Variants in IMMP2L observed in about 807,000 individuals in gnomAD.
The protein encoded by IMMP2L is inner mitochondrial membrane peptidase subunit 2.
Under a neutral mutation model 19.3 loss-of-function variants are expected in IMMP2L, and 18 were observed. That is an observed-to-expected ratio of 0.93 (90% CI 0.64 to 1.38). IMMP2L has a LOEUF of 1.38. Among genes scored for constraint, IMMP2L ranks in the 40% most tolerant of loss-of-function variants. The pLI is 0.00. For synonymous variants in IMMP2L, 76 were observed against 73.0 expected (o/e 1.04, Z -0.21); for missense variants, 233 against 218.2 (o/e 1.07, Z -0.43).
chr7:110,893,026 T>A (rs1466855617), intron 4 of IMMP2L, among the ~76,000 whole-genome samples: 1 of 152,098 alleles, frequency 6.6e-6, no homozygotes, highest in African/African-American at 2.4e-5. Context: ...TTCAATATAT[T>A]GTCGGTTCAA....
intron 3 of IMMP2L, among the ~76,000 whole-genome samples, chr7:111,305,550 C>G (rs1292852725): frequency 6.6e-6 from 1 of 151,896 alleles, no homozygotes; most frequent in East Asian, 1.9e-4. Context: ...TCTCAGCTCA[C>G]TGCAACCTCC....
chr7:111,323,695 T>C (rs1274969492), intron 3 of IMMP2L, among the ~76,000 whole-genome samples: 1 of 152,152 alleles, frequency 6.6e-6, no homozygotes, highest in Admixed American at 6.6e-5. Context: ...TCCACGCATA[T>C]GTTTATTGCG....
At chr7:111,308,122 C>T (rs1823082233) in intron 3 of IMMP2L, among the ~76,000 whole-genome samples, 1 of 151,870 alleles carries the variant, frequency 6.6e-6, no homozygotes, top group South Asian at 2.1e-4. Context: ...AGATTATTTG[C>T]TTCAATCAAC....
chr7:110,780,965 G>T (rs1038074517), intron 5 of IMMP2L, among the ~76,000 whole-genome samples: 1 of 151,836 alleles, frequency 6.6e-6, no homozygotes, highest in South Asian at 2.1e-4. Flanking sequence ...TTCATTAGGG[G>T]ACTAATTGAG....
At chr7:110,745,466 G>A (rs1161309640) in intron 5 of IMMP2L, among the ~76,000 whole-genome samples, 3 of 151,054 alleles carry the variant, frequency 2.0e-5, no homozygotes, top group African/African-American at 7.4e-5. Flanking sequence ...CACCAAGGTT[G>A]AAATGAAGGA....
intron 3 of IMMP2L, among the ~76,000 whole-genome samples, chr7:111,390,917 T>C (rs1432173666): frequency 2.6e-5 from 4 of 152,114 alleles, no homozygotes; most frequent in African/African-American, 9.7e-5. Flanking sequence ...ATTCTAATTA[T>C]AGGATAAATT....
intron 3 of IMMP2L, among the ~76,000 whole-genome samples, chr7:111,166,878 G>A (rs1021806511): frequency 6.6e-6 from 1 of 151,870 alleles, no homozygotes; most frequent in African/African-American, 2.4e-5. Flanking sequence ...AAAGATACCT[G>A]TCATTTGATT....
chr7:110,717,072 A>G (rs931640836), intron 5 of IMMP2L, among the ~76,000 whole-genome samples: 5 of 152,210 alleles, frequency 3.3e-5, no homozygotes, highest in African/African-American at 1.2e-4. Context: ...TACCTAGGAG[A>G]CAACTTGGAA....
Position 111,443,941 on chromosome 7 carries a change from T to C in IMMP2L, c.239+43297A>G, listed in dbSNP as rs1339446235. Reference sequence around the variant, plus strand: ...AAACTGAACTGTAAAGCATACAGTATGTGCATCTTCACAGGGTATATAATT... The same window carrying C: ...AAACTGAACTGTAAAGCATACAGTACGTGCATCTTCACAGGGTATATAATT... On this transcript the variant is annotated intron_variant, in intron 3 of 5. Transcript: ENST00000405709. Among the ~76,000 whole-genome samples, 4 of 152,146 alleles carry C rather than the reference T, an allele frequency of 2.6e-5. No homozygotes were observed. In the East Asian group the frequency reaches 7.7e-4, roughly 29 times the overall value.
At chr7:111,293,891 T>A (rs1017532791) in intron 3 of IMMP2L, among the ~76,000 whole-genome samples, 6 of 151,952 alleles carry the variant, frequency 3.9e-5, no homozygotes, top group Admixed American at 1.3e-4. Context: ...TAAATCAAGA[T>A]ATAGATTTCA....
At chr7:111,226,931 T>C (rs1813171741) in intron 3 of IMMP2L, among the ~76,000 whole-genome samples, 1 of 151,980 alleles carries the variant, frequency 6.6e-6, no homozygotes, top group African/African-American at 2.4e-5. Flanking sequence ...TTGTTCAAGA[T>C]AATAATCAGT....
chr7:111,505,366 A>G (rs1016109747), intron 2 of IMMP2L, among the ~76,000 whole-genome samples: 67 of 151,778 alleles, frequency 4.4e-4, no homozygotes, highest in African/African-American at 1.5e-3. Context: ...ACACTTTTAC[A>G]CTGTTGGTGG....
rs186219114 is a variant in IMMP2L at position 111,036,876 on chromosome 7, A to T, written c.240-73311T>A. ...CATTAAGATTATACATTTATTCATG[A>T]TATCATAAGAAATCACCATGTGGGT... On this transcript the variant is annotated intron_variant, in intron 3 of 5. Coordinates refer to ENST00000405709, the MANE Select transcript of IMMP2L (RefSeq NM_032549.4). Among the ~76,000 whole-genome samples the T allele has an allele frequency of 1.1e-4, 16 of 152,304 alleles. No homozygotes were observed. The East Asian group carries it at 3.1e-3, about 29-fold the overall frequency.
At chr7:111,382,137 A>C (rs555406325) in intron 3 of IMMP2L, among the ~76,000 whole-genome samples, 1 of 152,058 alleles carries the variant, frequency 6.6e-6, no homozygotes, top group East Asian at 1.9e-4. Context: ...TCAAGGGTCC[A>C]AGACAGAACA....
At chr7:111,052,871 A>G (rs540838899) in intron 3 of IMMP2L, among the ~76,000 whole-genome samples, 1 of 152,290 alleles carries the variant, frequency 6.6e-6, no homozygotes, top group South Asian at 2.1e-4. Flanking sequence ...TACTGTCTAA[A>G]TTAATAACTA....
chr7:110,790,034 C>T (rs1412625295), intron 5 of IMMP2L, among the ~76,000 whole-genome samples: 3 of 151,700 alleles, frequency 2.0e-5, no homozygotes, highest in Admixed American at 6.6e-5. Flanking sequence ...TATGTTCTGT[C>T]ATCCTCCTGT....
rs116098022 is a variant in IMMP2L at position 110,949,932 on chromosome 7, T to C, written c.305+13568A>G. Among the ~76,000 whole-genome samples the C allele has an allele frequency of 7.4e-3, 1,127 of 152,234 alleles. 16 individuals carry two copies. The highest frequency in any genetic ancestry group is 0.026 in the African/African-American group (1,090 of 41,544). ...TACCCATGTAAGAAACAAGCACATA[T>C]ACCCTATGAATCTAAAATAAAAATT... On this transcript the variant is annotated intron_variant, in intron 4 of 5. Transcript: ENST00000405709.
At chr7:110,829,559 C>G (rs2030967) in intron 5 of IMMP2L, among the ~76,000 whole-genome samples, 76,036 of 151,926 alleles carry the variant, frequency 0.5, 19,526 homozygotes, top group East Asian at 0.74. Context: ...CTTTCCATTT[C>G]ATTGGTTTCA....
chr7:110,996,378 A>AG (rs375295774), intron 3 of IMMP2L, among the ~76,000 whole-genome samples: 2 of 152,068 alleles, frequency 1.3e-5, no homozygotes, highest in Non-Finnish European at 2.9e-5. Context: ...AGAGAACGAG[A>AG]GGGGGGTTGG....
Sources: gnomAD v4.1 joint callset for allele counts (sites outside exome capture counted in the v4.1 genomes callset) on GRCh38, gnomAD v4.1.1 for gene constraint, MANE v1.5 for transcripts, NCBI Gene and HGNC (gene_info 2026-07-23, HGNC 2026-07-21) for gene names.